The following UTP20 variants were observed in gnomAD, a reference collection of about 807,000 sequenced individuals.
UTP20 encodes the protein small subunit processome component 20 homolog.
A neutral mutation model predicts 329.5 loss-of-function variants in UTP20; 164 were observed. The ratio of observed to expected loss-of-function variants is 0.50; its 90% CI spans 0.44 to 0.57. The LOEUF (loss-of-function observed/expected upper bound fraction) is 0.57, where lower values mean the gene tolerates loss of function less well. Among genes scored for constraint, UTP20 ranks in the 20% least tolerant of loss-of-function variants. The pLI is 0.00. For missense variants in UTP20, 3,055 were observed against 3,284.2 expected, an observed-to-expected ratio of 0.93 and a Z score of 1.71; for synonymous variants, 1,151 against 1,159.3, an observed-to-expected ratio of 0.99 and a Z score of 0.14.
chr12:101,282,297 G>C (rs1017320355), intron 2 of UTP20, among the ~76,000 whole-genome samples: 1 of 152,162 alleles, frequency 6.6e-6, no homozygotes, highest in Non-Finnish European at 1.5e-5. Flanking sequence ...TCTAGACGAG[G>C]TGACACCTGA....
chr12:101,323,757 A>G (rs1593432923), intron 25 of UTP20, among the ~76,000 whole-genome samples: 1 of 151,562 alleles, frequency 6.6e-6, no homozygotes, highest in South Asian at 2.1e-4. Flanking sequence ...ATTTATTTTG[A>G]TGTATGAAAT....
Position 101,370,987 on chromosome 12 carries a change from C to G in UTP20, c.6688-71C>G, listed in dbSNP as rs151220321. On this transcript the variant is annotated intron_variant, in intron 50 of 61. Transcript: ENST00000261637. ...TGAAAATGTCCTGTGGTTGCTTTAG[C>G]GTCAAATCTGCTTCCACGCATCTGC... The G allele has an allele frequency of 1.5e-4, 203 of 1,322,802 alleles. No individual in the cohort carries two copies. The African/African-American group carries it at 2.6e-3, about 17-fold the overall frequency. The allele number at this position is 1,322,802 out of a possible 1,614,324, so 81.9% of individuals were successfully genotyped here. A position where few individuals can be genotyped will look rare whatever the true frequency, so the allele number is the denominator to read the frequency against.
chr12:101,363,350 A>G (rs1869988795), intron 44 of UTP20, among the ~76,000 whole-genome samples: 1 of 152,206 alleles, frequency 6.6e-6, no homozygotes, highest in Non-Finnish European at 1.5e-5. Flanking sequence ...GTTTCCCGTT[A>G]GTATCACCTT....
Position 101,285,737 on chromosome 12 carries a change from T to G in UTP20, c.194-12T>G. The stretch of plus-strand genomic sequence containing the variant: ...TGATAGAAAAGAACATATTTTTTTT[T>G]CCCCCACTCAGGAAAATTTTACAAA... On this transcript the variant is annotated splice_polypyrimidine_tract_variant and intron_variant, in intron 3 of 61. Coordinates refer to ENST00000261637, the MANE Select transcript of UTP20 (RefSeq NM_014503.3). The G allele has an allele frequency of 6.2e-7, 1 of 1,613,048 alleles. No individual in the cohort carries two copies. Among genetic ancestry groups the G allele is most frequent in the African/African-American group, 1.3e-5 (1 of 74,936 alleles).
intron 31 of UTP20, 30 bp downstream of exon 31, chr12:101,338,987 A>G: frequency 6.4e-7 from 1 of 1,553,588 alleles, no homozygotes. Flanking sequence ...TTAAAAGATA[A>G]CATTACCATC....
chr12:101,302,741 C>T (rs1415346170), intron 15 of UTP20, among the ~76,000 whole-genome samples, 188 bp downstream of exon 15: 2 of 152,228 alleles, frequency 1.3e-5, no homozygotes, highest in African/African-American at 2.4e-5. Context: ...TCTTTAAATA[C>T]AGATTCATCT....
chr12:101,372,997 G>A, intron 52 of UTP20, 34 bp downstream of exon 52: 1 of 1,572,588 alleles, frequency 6.4e-7, no homozygotes, highest in Non-Finnish European at 8.8e-7. Flanking sequence ...CAGGGGCGGA[G>A]GGTAGTTTCT....
At chr12:101,311,995 T>C in intron 20 of UTP20, 41 bp from the exon 21 acceptor site, 22 of 1,611,890 alleles carry the variant, frequency 1.4e-5, no homozygotes, top group Non-Finnish European at 1.9e-5. Flanking sequence ...AGATAAATGT[T>C]GATATTTGTC....
Position 101,338,730 on chromosome 12 carries a change from C to T in UTP20, c.3869-83C>T, listed in dbSNP as rs909183442. The T allele has an allele frequency of 8.2e-6, 10 of 1,218,948 alleles. 1 individual carries two copies. Among genetic ancestry groups the T allele is most frequent in the Non-Finnish European group, 1.1e-5 (10 of 898,326 alleles). 75.5% of individuals were successfully genotyped at this position (1,218,948 alleles called of 1,614,324 possible). A position where few individuals can be genotyped will look rare whatever the true frequency, so the allele number is the denominator to read the frequency against. ...CTTAAATGTTCATAGTGGTTGAGTGCTTTTCTTATCATCATGAAGATTTTG... is the reference window on the plus strand; with the variant it reads ...CTTAAATGTTCATAGTGGTTGAGTGTTTTTCTTATCATCATGAAGATTTTG... On this transcript the variant is annotated intron_variant, in intron 30 of 61. Coordinates refer to ENST00000261637, the MANE Select transcript of UTP20 (RefSeq NM_014503.3).
chr12:101,282,860 A>G (rs2137225921), intron 2 of UTP20, among the ~76,000 whole-genome samples: 1 of 152,350 alleles, frequency 6.6e-6, no homozygotes, highest in East Asian at 1.9e-4. Context: ...GAAGAGAAAG[A>G]TTCCAGAGAT....
chr12:101,302,494 G>A lies in UTP20; in HGVS notation c.1722G>A (p.Leu574=). ...LCQAVNTLLS[L]EESSELLHLV... is the part of the protein sequence containing the mutation. ...AAGCTGTAAATACTCTACTAAGTTT[G>A]GAAGAATCTTCTGAACTTCTTCATT... is the stretch of plus-strand genomic sequence containing the variant. Residue 574 remains leucine (L), a synonymous_variant, in exon 15 of 62, where the codon TTG becomes TTA. Transcript: ENST00000261637. 1 of 1,610,630 alleles carries A rather than the reference G, an allele frequency of 6.2e-7. No individual in the cohort carries two copies. The highest frequency in any genetic ancestry group is 8.5e-7 in the Non-Finnish European group (1 of 1,179,208).
intron 2 of UTP20, among the ~76,000 whole-genome samples, chr12:101,283,815 T>A (rs965882299): frequency 1.3e-5 from 2 of 152,216 alleles, no homozygotes; most frequent in African/African-American, 4.8e-5. Flanking sequence ...CTCCCACTGT[T>A]GGGATTACAG....
chr12:101,309,956 A>G, intron 19 of UTP20, 117 bp downstream of exon 19: 2 of 856,958 alleles, frequency 2.3e-6, no homozygotes, highest in East Asian at 2.5e-5. Flanking sequence ...TGGTATTTAC[A>G]GTACTTTAAA....
chr12:101,368,008 A>C (rs1396083383), intron 48 of UTP20, 32 bp downstream of exon 48: 1 of 1,423,016 alleles, frequency 7.0e-7, no homozygotes, highest in East Asian at 2.3e-5. Flanking sequence ...GCATTGGAGC[A>C]TTTATTTCTT....
chr12:101,346,632 A>C (rs767909410), intron 38 of UTP20, 44 bp downstream of exon 38: 1 of 1,516,744 alleles, frequency 6.6e-7, no homozygotes, highest in Admixed American at 2.3e-5. Flanking sequence ...TTCCCATACC[A>C]TGACACACTT....
intron 52 of UTP20, 83 bp downstream of exon 52, chr12:101,373,046 G>A (rs1870345222): frequency 2.6e-6 from 3 of 1,138,402 alleles, no homozygotes; most frequent in Non-Finnish European, 4.0e-6. Context: ...AAAAAGGATG[G>A]GGCCTAAGTA....
At chr12:101,368,100 G>T in intron 48 of UTP20, 124 bp downstream of exon 48, 1 of 693,638 alleles carries the variant, frequency 1.4e-6, no homozygotes, top group Non-Finnish European at 2.4e-6. Context: ...TTTTTGTTTG[G>T]TTGGTGGGTT....
At chr12:101,385,944 T>C in intron 61 of UTP20, 24 bp from the exon 62 acceptor site, 1 of 1,525,202 alleles carries the variant, frequency 6.6e-7, no homozygotes, top group Non-Finnish European at 8.9e-7. Context: ...AAAAGTAATA[T>C]AAAATTTCTA....
intron 29 of UTP20, 82 bp downstream of exon 29, chr12:101,334,586 G>A (rs1487631905): frequency 8.7e-7 from 1 of 1,147,664 alleles, no homozygotes; most frequent in African/African-American, 1.5e-5. Context: ...AACTAATAGT[G>A]TAATTTATGG....
Sources: allele counts gnomAD v4.1 joint callset (sites outside exome capture counted in the v4.1 genomes callset), GRCh38; gene constraint gnomAD v4.1.1; transcripts MANE v1.5; gene names NCBI Gene and HGNC (gene_info 2026-07-23, HGNC 2026-07-21).